The following KCNJ6 variants were observed in gnomAD, a reference collection of about 807,000 sequenced individuals.
KCNJ6 encodes the protein G protein-activated inward rectifier potassium channel 2.
KCNJ6 carries 9 observed loss-of-function variants against 34.2 expected under a neutral mutation model. The ratio of observed to expected loss-of-function variants is 0.26; its 90% CI spans 0.16 to 0.46. The LOEUF is 0.46. Among genes scored for constraint, KCNJ6 ranks in the 20% least tolerant of loss-of-function variants. The pLI is 1.00. For synonymous variants in KCNJ6, 196 were observed against 207.1 expected, an observed-to-expected ratio of 0.95 and a Z score of 0.46; for missense variants, 236 against 531.3, an observed-to-expected ratio of 0.44 and a Z score of 5.46.
At chr21:37,815,096 GAT>G (rs2055340516) in intron 2 of KCNJ6, among the ~76,000 whole-genome samples, 1 of 152,034 alleles carries the variant, frequency 6.6e-6, no homozygotes. Flanking sequence ...TAGAGAGTAG[GAT>G]GCTTACCAGA....
intron 2 of KCNJ6, among the ~76,000 whole-genome samples, chr21:37,766,433 C>T (rs2055091513): frequency 6.6e-6 from 1 of 152,040 alleles, no homozygotes; most frequent in Non-Finnish European, 1.5e-5. Flanking sequence ...AGAGTTTTGG[C>T]AGGATTTTGA....
intron 1 of KCNJ6, among the ~76,000 whole-genome samples, chr21:37,863,860 G>GTTTTTTTTTTTT (rs56800970): frequency 7.4e-5 from 6 of 81,078 alleles, no homozygotes; most frequent in African/African-American, 1.4e-4. Flanking sequence ...TTTTTTTTTT[G>GTTTTTTTTTTTT]TTTTTTTTTT....
chr21:37,889,408 TAGGAGG>T (rs2055751084), intron 1 of KCNJ6, among the ~76,000 whole-genome samples: 1 of 150,804 alleles, frequency 6.6e-6, no homozygotes, highest in Admixed American at 6.6e-5. Flanking sequence ...CAGGCTTTAA[TAGGAGG>T]AGGTGACGGC....
chr21:37,847,814 A>G (rs2055517222), intron 1 of KCNJ6, among the ~76,000 whole-genome samples: 1 of 151,926 alleles, frequency 6.6e-6, no homozygotes, highest in Non-Finnish European at 1.5e-5. Flanking sequence ...CAGAATAGAG[A>G]CAGAGAATGA....
intron 2 of KCNJ6, among the ~76,000 whole-genome samples, chr21:37,729,336 G>C (rs76021038): frequency 2.1e-4 from 13 of 61,652 alleles, no homozygotes; most frequent in South Asian, 5.9e-4. Context: ...CTTCTTTTTG[G>C]GGGGGGGGGC....
chr21:37,911,479 C>A (rs1005603790), intron 1 of KCNJ6, among the ~76,000 whole-genome samples: 2 of 152,084 alleles, frequency 1.3e-5, no homozygotes, highest in African/African-American at 4.8e-5. Flanking sequence ...ACAAGAAATG[C>A]CATCTCAATA....
chr21:37,678,367 T>C (rs1056137385), intron 3 of KCNJ6, among the ~76,000 whole-genome samples: 3 of 152,248 alleles, frequency 2.0e-5, no homozygotes, highest in Non-Finnish European at 4.4e-5. Flanking sequence ...GAGTTATCCA[T>C]GAATGTTATG....
chr21:37,781,727 A>G (rs1037824992), intron 2 of KCNJ6, among the ~76,000 whole-genome samples: 7 of 152,184 alleles, frequency 4.6e-5, no homozygotes, highest in African/African-American at 1.7e-4. Flanking sequence ...CTTGGATAAG[A>G]TTGCATAGTA....
intron 2 of KCNJ6, among the ~76,000 whole-genome samples, chr21:37,743,515 C>A (rs1489863257): frequency 6.6e-6 from 1 of 152,130 alleles, no homozygotes; most frequent in East Asian, 1.9e-4. Context: ...GGGCTCCCCC[C>A]TCACGGATGG....
chr21:37,907,981 A>G (rs926332334), intron 1 of KCNJ6, among the ~76,000 whole-genome samples: 1 of 152,188 alleles, frequency 6.6e-6, no homozygotes, highest in Non-Finnish European at 1.5e-5. Context: ...ATGAGACATT[A>G]TTTACTTTGG....
At chr21:37,707,312 C>T (rs1009141797) in intron 3 of KCNJ6, among the ~76,000 whole-genome samples, 2 of 152,218 alleles carry the variant, frequency 1.3e-5, no homozygotes, top group African/African-American at 2.4e-5. Context: ...CCCGACTGCC[C>T]GGCCTCCTGT....
At chr21:37,717,274 A>G (rs2054796928) in intron 2 of KCNJ6, 1 of 153,518 alleles carries the variant, frequency 6.5e-6, no homozygotes, top group Non-Finnish European at 1.5e-5. Context: ...TAGAACAAAT[A>G]CCAGGATAGG....
At chr21:37,914,718 A>G (rs1026021591) in intron 1 of KCNJ6, among the ~76,000 whole-genome samples, 12 of 152,120 alleles carry the variant, frequency 7.9e-5, no homozygotes, top group Admixed American at 5.9e-4. Context: ...TTTTCTCCCT[A>G]AGCAGTTCCT....
intron 1 of KCNJ6, among the ~76,000 whole-genome samples, chr21:37,913,721 G>A (rs1051763078): frequency 1.3e-5 from 2 of 152,196 alleles, no homozygotes; most frequent in Non-Finnish European, 2.9e-5. Context: ...AGGAGGCTGA[G>A]GTAGGAGAAT....
At chr21:37,762,584 T>C (rs1292826786) in intron 2 of KCNJ6, among the ~76,000 whole-genome samples, 1 of 152,196 alleles carries the variant, frequency 6.6e-6, no homozygotes, top group African/African-American at 2.4e-5. Context: ...ATGGGGACCC[T>C]GTTGAGGTCA....
intron 1 of KCNJ6, among the ~76,000 whole-genome samples, chr21:37,910,711 G>T (rs1006936183): frequency 1.3e-5 from 2 of 152,198 alleles, no homozygotes; most frequent in African/African-American, 4.8e-5. Context: ...CAGCCATACA[G>T]AAAAAATGAG....
At chr21:37,815,660 G>T (rs1490675723) in intron 2 of KCNJ6, among the ~76,000 whole-genome samples, 1 of 152,166 alleles carries the variant, frequency 6.6e-6, no homozygotes, top group Non-Finnish European at 1.5e-5. Context: ...TAGACAAGGT[G>T]GTCTATGGAA....
chr21:37,744,484 CA>C (rs1227228105), intron 2 of KCNJ6, among the ~76,000 whole-genome samples: 1 of 152,080 alleles, frequency 6.6e-6, no homozygotes, highest in African/African-American at 2.4e-5. Context: ...CTGGGATTTC[CA>C]ACCCACCAAG....
intron 2 of KCNJ6, among the ~76,000 whole-genome samples, chr21:37,820,676 A>G (rs1398161287): frequency 3.3e-5 from 5 of 152,220 alleles, no homozygotes; most frequent in African/African-American, 9.6e-5. Flanking sequence ...TGCCATGTCA[A>G]TGTTATTAAC....
Sources: allele counts gnomAD v4.1 joint callset (sites outside exome capture counted in the v4.1 genomes callset), GRCh38; gene constraint gnomAD v4.1.1; transcripts MANE v1.5; gene names NCBI Gene and HGNC (gene_info 2026-07-23, HGNC 2026-07-21).